ZNF667: variants seen among roughly 807,000 people sequenced by gnomAD.
ZNF667 encodes myocardial ischemic preconditioning upregulated 1 ortholog.
ZNF667 carries 13 observed loss-of-function variants against 31.8 expected under a neutral mutation model. The ratio of observed to expected loss-of-function variants is 0.41; its 90% CI spans 0.27 to 0.65. ZNF667 has a LOEUF of 0.65. ZNF667 is among the 30% of genes least tolerant of loss of function. The pLI is 0.32. For missense variants in ZNF667, 642 were observed against 725.6 expected, an observed-to-expected ratio of 0.88 and a Z score of 1.32; for synonymous variants, 228 against 247.1, an observed-to-expected ratio of 0.92 and a Z score of 0.73.
chr19:56,458,557 T>C (rs1047351940), intron 5 of ZNF667, among the ~76,000 whole-genome samples: 15 of 152,182 alleles, frequency 9.9e-5, no homozygotes, highest in Non-Finnish European at 2.9e-5. Flanking sequence ...TTGCCGATCA[T>C]GTGATTAGAG....
intron 5 of ZNF667, among the ~76,000 whole-genome samples, chr19:56,460,262 T>C (rs928295689): frequency 6.6e-6 from 1 of 152,172 alleles, no homozygotes; most frequent in African/African-American, 2.4e-5. Context: ...TATTGGCACA[T>C]GCTACAACAT....
chr19:56,453,235 TC>T, intron 6 of ZNF667, among the ~76,000 whole-genome samples: 1 of 152,018 alleles, frequency 6.6e-6, no homozygotes, highest in Non-Finnish European at 1.5e-5. Flanking sequence ...TAATAAAGTT[TC>T]CCAGCAAAGA....
At position 56,458,252 on chromosome 19, in the gene ZNF667, A is replaced by T. The variant is rs547847473; in HGVS notation, c.161-5T>A. 10 of 1,613,268 alleles carry T rather than the reference A, an allele frequency of 6.2e-6. No individual in the cohort carries two copies. In the African/African-American group the frequency reaches 1.1e-4, roughly 17 times the overall value. ...TTGGTCTCCGAAAGGAAAGACCTGT[A>T]CGTGGGACAAACATGGGAAATGATC... On this transcript the variant is annotated splice_region_variant and splice_polypyrimidine_tract_variant and intron_variant, in intron 5 of 6. Coordinates refer to ENST00000504904, the MANE Select transcript of ZNF667 (RefSeq NM_001321356.2).
At chr19:56,467,140 C>CA (rs1180463851) in intron 3 of ZNF667, 1 of 435,600 alleles carries the variant, frequency 2.3e-6, no homozygotes, top group Admixed American at 2.6e-5. Flanking sequence ...CACTGTGTGC[C>CA]ATGCCGGCCA....
rs1568829958 is a variant in ZNF667, at chr19:56,441,315, A to G, written c.1680T>C (p.Cys560=). 2 of 1,614,204 alleles carry G rather than the reference A, an allele frequency of 1.2e-6. No homozygotes were observed. Among genetic ancestry groups the G allele is most frequent in the East Asian group, 4.5e-5 (2 of 44,886 alleles). Reference sequence around the variant, plus strand: ...CTGAGCCACTGCTAAATGCCTTCCCACATTCATTACATTCATAGGGTTTCT... The same window carrying G: ...CTGAGCCACTGCTAAATGCCTTCCCGCATTCATTACATTCATAGGGTTTCT... The part of the protein sequence containing the change: ...TGEKPYECNE[C]GKAFSSGSDL... The change falls in exon 7 of 7, where the codon TGT becomes TGC. Residue 560 remains cysteine (C), a synonymous_variant. Transcript: ENST00000504904. This position sits in a 1 kb window ranked among gnomAD's most constrained non-coding sequence, Gnocchi z 4.2.
chr19:56,466,460 C>A (rs556484676), intron 3 of ZNF667, among the ~76,000 whole-genome samples: 1 of 152,298 alleles, frequency 6.6e-6, no homozygotes, highest in Admixed American at 6.5e-5. Flanking sequence ...CAATGGGAGG[C>A]AGCTGGAGGT....
In ZNF667 at chr19:56,442,168, T is replaced by C; in HGVS notation, c.827A>G (p.Asn276Ser). ...SSLLLHKKIH[N>S]GKKTHKYNKC... Reference sequence around the variant, plus strand: ...ATTATATTTATGTGTTTTCTTTCCATTGTGAATTTTCTTATGAAGTAAAAG... The same window carrying C: ...ATTATATTTATGTGTTTTCTTTCCACTGTGAATTTTCTTATGAAGTAAAAG... Residue 276 changes from asparagine to serine, a missense_variant, in exon 7 of 7, where the codon AAT becomes AGT. By Grantham distance (46) the Asn-to-Ser change is conservative (BLOSUM62 1). Transcript: ENST00000504904. The C allele has an allele frequency of 6.2e-7, 1 of 1,613,606 alleles. No individual in the cohort carries two copies. Among genetic ancestry groups the C allele is most frequent in the Non-Finnish European group, 8.5e-7 (1 of 1,179,820 alleles).
chr19:56,458,399 TG>T, intron 5 of ZNF667, 152 bp from the exon 6 acceptor site: 2 of 653,256 alleles, frequency 3.1e-6, no homozygotes, highest in East Asian at 5.4e-5. Context: ...TGTGATATTG[TG>T]ATTTATAAGA....
At chr19:56,451,221 A>G (rs929110888) in intron 6 of ZNF667, among the ~76,000 whole-genome samples, 1 of 152,212 alleles carries the variant, frequency 6.6e-6, no homozygotes, top group East Asian at 1.9e-4. Flanking sequence ...AAGTATGGAA[A>G]GATACAAAGA....
At chr19:56,473,845 A>C (rs1049069518) in intron 2 of ZNF667, among the ~76,000 whole-genome samples, 167 bp downstream of exon 2, 1 of 152,246 alleles carries the variant, frequency 6.6e-6, no homozygotes, top group Admixed American at 6.5e-5. Context: ...AAGGCTCTGG[A>C]AAGATAAACA....
Position 56,451,132 on chromosome 19 carries a change from G to T in ZNF667, c.253+7023C>A, listed in dbSNP as rs938112535. Among the ~76,000 whole-genome samples the T allele has an allele frequency of 4.0e-4, 60 of 151,280 alleles. 1 individual carries two copies. Among genetic ancestry groups the T allele is most frequent in the Non-Finnish European group, 5.9e-5 (4 of 67,840 alleles). Reference sequence around the variant, plus strand: ...ACACATAGACTAAAAATAAAGGGAGGGAAAAAAAATCCCATGCAAATGAAA... The same window carrying T: ...ACACATAGACTAAAAATAAAGGGAGTGAAAAAAAATCCCATGCAAATGAAA... On this transcript the variant is annotated intron_variant, in intron 6 of 6. Coordinates refer to ENST00000504904, the MANE Select transcript of ZNF667 (RefSeq NM_001321356.2).
chr19:56,442,069 G>A lies in ZNF667; in HGVS notation c.926C>T (p.Pro309Leu). The change falls in exon 7 of 7, where the codon CCT (proline) becomes CTT (leucine). Residue 309 changes from proline to leucine, a missense_variant. Transcript: ENST00000504904. ...CTGACTTAAGGCCTTCGCATTTTCAGGGATTTTCTCTCCAGCATGAATTCT... is the reference window on the plus strand; with the variant it reads ...CTGACTTAAGGCCTTCGCATTTTCAAGGATTTTCTCTCCAGCATGAATTCT... ...HKRIHAGEKI[P>L]ENAKALSQSL... The A allele has an allele frequency of 6.2e-7, 1 of 1,614,100 alleles. No individual in the cohort carries two copies. Among genetic ancestry groups the A allele is most frequent in the Non-Finnish European group, 8.5e-7 (1 of 1,180,022 alleles).
chr19:56,444,494 T>C (rs2042684371), intron 6 of ZNF667, among the ~76,000 whole-genome samples: 2 of 150,070 alleles, frequency 1.3e-5, no homozygotes, highest in South Asian at 2.1e-4. Flanking sequence ...CCTCCAACAC[T>C]GAGGATGAAA....
rs1180884487 is a variant in ZNF667, at chr19:56,444,192, A to G, written c.254-1451T>C. ...AAATACTTGAGTGGGTAATTTATAAACAAAAGAGGTTCAATTGGCTCCTGG... is the reference window on the plus strand; with the variant it reads ...AAATACTTGAGTGGGTAATTTATAAGCAAAAGAGGTTCAATTGGCTCCTGG... On this transcript the variant is annotated intron_variant, in intron 6 of 6. Coordinates refer to ENST00000504904, the MANE Select transcript of ZNF667 (RefSeq NM_001321356.2). The G allele has an allele frequency of 1.8e-5, 7 of 398,560 alleles. No individual in the cohort carries two copies. In the East Asian group the frequency reaches 2.5e-4, roughly 14 times the overall value. 24.7% of individuals were successfully genotyped at this position (398,560 alleles called of 1,614,324 possible).
chr19:56,450,189 G>A (rs1222854901), intron 6 of ZNF667, among the ~76,000 whole-genome samples: 1 of 152,054 alleles, frequency 6.6e-6, no homozygotes. Flanking sequence ...ACTCCCAAAT[G>A]TCAGGGATAA....
chr19:56,463,411 A>T (rs959411197), intron 3 of ZNF667, among the ~76,000 whole-genome samples: 3 of 152,162 alleles, frequency 2.0e-5, no homozygotes, highest in South Asian at 2.1e-4. Context: ...CACCCATCTC[A>T]AAGAATCTCT....
upstream of ZNF667, chr19:56,477,349 T>TCCGGGACC (rs1233210244): frequency 7.2e-6 from 1 of 138,904 alleles, no homozygotes; most frequent in African/African-American, 2.8e-5. Context: ...CGCACTCCCC[T>TCCGGGACC]CCGGGACCCC....
At chr19:56,449,574 C>T (rs538279707) in intron 6 of ZNF667, 11 of 224,428 alleles carry the variant, frequency 4.9e-5, no homozygotes, top group Admixed American at 5.3e-5. Flanking sequence ...CCCAGCCGCT[C>T]GGGAGGCTGA....
rs1232897883 is a variant in ZNF667 at position 56,462,337 on chromosome 19, C to T, written c.33+1G>A. On this transcript the variant is annotated splice_donor_variant, in intron 4 of 6. Coordinates refer to ENST00000504904, the MANE Select transcript of ZNF667 (RefSeq NM_001321356.2). LOFTEE classifies it high-confidence loss of function. ...CGGAAGGAAGAGGAATTGCCACTTA[C>T]CTTGGATTTGGATTTCCCCCGTGCA... 6.2e-7 allele frequency: 1 copy of T among 1,614,214 alleles called. No homozygotes were observed. Among genetic ancestry groups the T allele is most frequent in the East Asian group, 2.2e-5 (1 of 44,886 alleles).
Sources: allele counts gnomAD v4.1 joint callset (sites outside exome capture counted in the v4.1 genomes callset), GRCh38; gene constraint gnomAD v4.1.1; non-coding constraint Gnocchi (gnomAD v3.1); transcripts MANE v1.5; gene names NCBI Gene and HGNC (gene_info 2026-07-23, HGNC 2026-07-21).